The following SERBP1 variants were observed in gnomAD, a reference collection of about 807,000 sequenced individuals.
SERBP1 encodes SERPINE1 mRNA-binding protein 1.
A neutral mutation model predicts 50.2 loss-of-function variants in SERBP1; 6 were observed. That is an observed-to-expected ratio of 0.12 (90% CI 0.07 to 0.24). The LOEUF (loss-of-function observed/expected upper bound fraction) is 0.24, where lower values mean the gene tolerates loss of function less well. SERBP1 is among the 10% of genes least tolerant of loss of function. The probability of loss-of-function intolerance (pLI) is 1.00; values close to 1 mark genes in which losing one functional copy is unlikely to be tolerated. For synonymous variants in SERBP1, 168 were observed against 182.8 expected (o/e 0.92, Z 0.65); for missense variants, 346 against 524.9 (o/e 0.66, Z 3.33).
chr1:67,413,553 G>A (rs1332895511), intron 7 of SERBP1, among the ~76,000 whole-genome samples: 1 of 151,530 alleles, frequency 6.6e-6, no homozygotes, highest in Non-Finnish European at 1.5e-5. Flanking sequence ...AGAGGCTGAG[G>A]CAGGAGAATC....
chr1:67,412,927 A>G lies in SERBP1; in HGVS notation c.*280T>C. 2.3e-6 allele frequency: 1 copy of G among 437,024 alleles called. No homozygotes were observed. The allele number at this position is 437,024 out of a possible 1,614,324, so 27.1% of individuals were successfully genotyped here. ...TTGGAAATGCATATTTGCAAGCAGC[A>G]ATACAAAAGTATTCATGAAGAATGC... On this transcript the variant is annotated 3_prime_UTR_variant, in exon 8 of 8. Coordinates refer to ENST00000361219, the MANE Select transcript of SERBP1 (RefSeq NM_001018069.2).
chr1:67,420,278 C>G, intron 5 of SERBP1, 92 bp from the exon 6 acceptor site: 1 of 1,122,526 alleles, frequency 8.9e-7, no homozygotes. Context: ...GAAAATTAAC[C>G]TTGTAATCTT....
intron 5 of SERBP1, among the ~76,000 whole-genome samples, chr1:67,422,162 C>T (rs535342801): frequency 2.5e-4 from 38 of 152,282 alleles, no homozygotes; most frequent in African/African-American, 8.7e-4. Flanking sequence ...AACAAATCCA[C>T]GGAATATGAT....
rs142753975 is a variant in SERBP1 at position 67,423,304 on chromosome 1, C to G, written c.773+896G>C. ...AAGAGTGAACTCCATCTCACACACA[C>G]AAAAAAAAAAGTTAGTGAAGGGCTG... On this transcript the variant is annotated intron_variant, in intron 5 of 7. Coordinates refer to ENST00000361219, the MANE Select transcript of SERBP1 (RefSeq NM_001018069.2). Among the ~76,000 whole-genome samples the G allele has an allele frequency of 1.4e-3, 191 of 132,276 alleles. 1 individual carries two copies. Among genetic ancestry groups the G allele is most frequent in the African/African-American group, 5.1e-3 (180 of 35,144 alleles). The allele number at this position is 132,276 out of a possible 152,430, so 86.8% of individuals were successfully genotyped here. A position where few individuals can be genotyped will look rare whatever the true frequency, so the allele number is the denominator to read the frequency against.
At chr1:67,425,367 T>A in intron 2 of SERBP1, 144 bp from the exon 3 acceptor site, 2 of 789,874 alleles carry the variant, frequency 2.5e-6, no homozygotes, top group Non-Finnish European at 3.9e-6. Flanking sequence ...TTCAAAATAG[T>A]CTGTTTCTAA....
chr1:67,421,606 T>C (rs1201904517), intron 5 of SERBP1, among the ~76,000 whole-genome samples: 1 of 152,214 alleles, frequency 6.6e-6, no homozygotes, highest in African/African-American at 2.4e-5. Flanking sequence ...TTAGTACCTT[T>C]TGGTAAACAG....
chr1:67,423,710 A>T (rs1188242340), intron 5 of SERBP1, among the ~76,000 whole-genome samples: 1 of 152,236 alleles, frequency 6.6e-6, no homozygotes, highest in Non-Finnish European at 1.5e-5. Context: ...CAAATTCTAC[A>T]TTGGAAATAA....
At chr1:67,419,390 G>A (rs962116472) in intron 6 of SERBP1, among the ~76,000 whole-genome samples, 1 of 152,180 alleles carries the variant, frequency 6.6e-6, no homozygotes, top group African/African-American at 2.4e-5. Context: ...TTGATCTGCG[G>A]GGTCAGTGCC....
intron 7 of SERBP1, among the ~76,000 whole-genome samples, chr1:67,414,050 A>G (rs979262262): frequency 3.9e-5 from 6 of 152,204 alleles, no homozygotes; most frequent in African/African-American, 7.2e-5. Context: ...CAGACCTCCC[A>G]AAGTACTGGG....
At chr1:67,416,578 A>G (rs948270894) in intron 6 of SERBP1, among the ~76,000 whole-genome samples, 1 of 152,238 alleles carries the variant, frequency 6.6e-6, no homozygotes, top group Non-Finnish European at 1.5e-5. Context: ...GATAAAGAAC[A>G]TTTTGTTCTT....
chr1:67,426,143 T>C lies in SERBP1; in HGVS notation c.456A>G (p.Ser152=). 1 of 1,604,644 alleles carries C rather than the reference T, an allele frequency of 6.2e-7. No individual in the cohort carries two copies. Among genetic ancestry groups the C allele is most frequent in the South Asian group, 1.1e-5 (1 of 89,550 alleles). The change falls in exon 2 of 8, where the codon TCA becomes TCG. Residue 152 remains serine, a synonymous_variant. Transcript: ENST00000361219. ...LEEKGEGGEF[S]VDRPIIDRPI... ...AACAAGAAACAACTTACCTATCAAC[T>C]GAAAATTCGCCTCCTTCACCCTTTT... is the stretch of plus-strand genomic sequence containing the variant.
chr1:67,428,593 A>G (rs756183225), intron 1 of SERBP1, among the ~76,000 whole-genome samples: 3 of 152,226 alleles, frequency 2.0e-5, no homozygotes, highest in Non-Finnish European at 2.9e-5. Flanking sequence ...CTGAAGAGAT[A>G]CTTGGCCTAA....
chr1:67,412,525 A>G lies in SERBP1; in HGVS notation c.*682T>C, dbSNP rs1666876781. 6.5e-6 allele frequency: 1 copy of G among 152,692 alleles called. No homozygotes were observed. Among genetic ancestry groups the G allele is most frequent in the South Asian group, 2.1e-4 (1 of 4,832 alleles). The allele number at this position is 152,692 out of a possible 1,614,324, so 9.5% of individuals were successfully genotyped here. ...AGTTATAATTTGAACCTAATGAGCC[A>G]TGCAAGGAGCAAGGGTTAATAAACC... On this transcript the variant is annotated 3_prime_UTR_variant, in exon 8 of 8. Transcript: ENST00000361219.
chr1:67,421,332 T>G (rs1667190512), intron 5 of SERBP1, among the ~76,000 whole-genome samples: 1 of 152,180 alleles, frequency 6.6e-6, no homozygotes, highest in Non-Finnish European at 1.5e-5. Flanking sequence ...GCATGACACC[T>G]ACCTTTCAGG....
At chr1:67,423,344 C>T (rs1046731920) in intron 5 of SERBP1, among the ~76,000 whole-genome samples, 9 of 151,490 alleles carry the variant, frequency 5.9e-5, no homozygotes, top group African/African-American at 7.3e-5. Flanking sequence ...AGGTGGCTCA[C>T]GCCTGTAATC....
intron 3 of SERBP1, 29 bp downstream of exon 3, chr1:67,425,054 A>G (rs1409740355): frequency 6.3e-7 from 1 of 1,599,416 alleles, no homozygotes; most frequent in South Asian, 1.1e-5. Flanking sequence ...TTAAAATATT[A>G]AAGTAAAATA....
At chr1:67,416,370 C>T (rs945834595) in intron 6 of SERBP1, among the ~76,000 whole-genome samples, 1 of 152,102 alleles carries the variant, frequency 6.6e-6, no homozygotes, top group African/African-American at 2.4e-5. Flanking sequence ...TTTCTATTTG[C>T]GTTTAAGATA....
At chr1:67,417,001 C>T (rs72678564) in intron 6 of SERBP1, among the ~76,000 whole-genome samples, 12,280 of 152,254 alleles carry the variant, frequency 0.081, 622 homozygotes, top group Middle Eastern at 0.16. Flanking sequence ...GTGGCTGACA[C>T]TTGTAATCCC....
intron 6 of SERBP1, among the ~76,000 whole-genome samples, chr1:67,418,861 C>T (rs1273193085): frequency 6.6e-6 from 1 of 152,228 alleles, no homozygotes; most frequent in African/African-American, 2.4e-5. Flanking sequence ...GTCTGGATTT[C>T]TGGCACAGCC....
Sources: gnomAD v4.1 joint callset for allele counts (sites outside exome capture counted in the v4.1 genomes callset) on GRCh38, gnomAD v4.1.1 for gene constraint, MANE v1.5 for transcripts, NCBI Gene and HGNC (gene_info 2026-07-23, HGNC 2026-07-21) for gene names.